SHC3: variants seen among roughly 807,000 people sequenced by gnomAD.
SHC3 encodes SHC-transforming protein 3.
SHC3 carries 15 observed loss-of-function variants against 60.4 expected under a neutral mutation model. The ratio of observed to expected loss-of-function variants is 0.25; its 90% confidence interval spans 0.17 to 0.38. SHC3 has a LOEUF of 0.38. SHC3 is among the 10% of genes least tolerant of loss of function. SHC3 has a pLI of 1.00. For missense variants in SHC3, 677 were observed against 786.1 expected (o/e 0.86, Z 1.66); for synonymous variants, 294 against 325.9 (o/e 0.90, Z 1.05).
chr9:89,030,271 CAAT>C (rs375709760), intron 11 of SHC3, among the ~76,000 whole-genome samples: 3 of 152,048 alleles, frequency 2.0e-5, no homozygotes, highest in African/African-American at 7.2e-5. Context: ...GACAATTCAA[CAAT>C]AATAGACATT....
In SHC3 at chr9:89,167,000, A is replaced by G. The variant is rs188069110; in HGVS notation, c.474+10987T>C. ...ACTCCTCTTCCCGTCTCCCAGTGGC[A>G]GCAGGGCAGTGGCTCTTCACAGCAC... On this transcript the variant is annotated intron_variant, in intron 1 of 11. Transcript: ENST00000375835. Among the ~76,000 whole-genome samples, 5 of 152,302 alleles carry G rather than the reference A, an allele frequency of 3.3e-5. No homozygotes were observed. In the East Asian group the frequency reaches 9.7e-4, roughly 29 times the overall value.
chr9:89,065,721 C>T, intron 5 of SHC3, 141 bp from the exon 6 acceptor site: 1 of 812,784 alleles, frequency 1.2e-6, no homozygotes, highest in Non-Finnish European at 2.0e-6. Flanking sequence ...TAAGAAACAG[C>T]CCCCAGAAGA....
chr9:89,176,682 G>A (rs571853233), intron 1 of SHC3, among the ~76,000 whole-genome samples: 1 of 152,268 alleles, frequency 6.6e-6, no homozygotes, highest in South Asian at 2.1e-4. Flanking sequence ...AACCAAATAT[G>A]CATATATTAT....
chr9:89,024,303 G>A (rs567437085), intron 11 of SHC3, among the ~76,000 whole-genome samples: 1 of 152,146 alleles, frequency 6.6e-6, no homozygotes, highest in East Asian at 1.9e-4. Flanking sequence ...TTAGAAACAG[G>A]GTTTCATTCT....
intron 1 of SHC3, among the ~76,000 whole-genome samples, chr9:89,128,462 C>G (rs1273733988): frequency 6.6e-6 from 1 of 152,156 alleles, no homozygotes; most frequent in African/African-American, 2.4e-5. Flanking sequence ...CAAGTGGGTC[C>G]CTGATCCCTG....
chr9:89,043,037 T>C (rs542970143), intron 9 of SHC3, among the ~76,000 whole-genome samples: 1 of 152,316 alleles, frequency 6.6e-6, no homozygotes, highest in Non-Finnish European at 1.5e-5. Context: ...TCCAATCTTC[T>C]TACGTAAACA....
intron 1 of SHC3, among the ~76,000 whole-genome samples, chr9:89,124,079 G>GA (rs566165739): frequency 9.0e-4 from 127 of 141,708 alleles, no homozygotes; most frequent in East Asian, 4.3e-3. Flanking sequence ...GCAAACATAT[G>GA]AAAAAAAAAA....
intron 10 of SHC3, among the ~76,000 whole-genome samples, chr9:89,039,151 T>C (rs1214676484): frequency 6.6e-6 from 1 of 152,226 alleles, no homozygotes; most frequent in Admixed American, 6.5e-5. Flanking sequence ...GACTACGCTG[T>C]CTACCCATAA....
chr9:89,162,339 A>G (rs1249598155), intron 1 of SHC3, among the ~76,000 whole-genome samples: 5 of 152,104 alleles, frequency 3.3e-5, no homozygotes, highest in African/African-American at 7.2e-5. Context: ...CTGACTTCAA[A>G]CTATACTACA....
chr9:89,171,456 G>A (rs1012259470), intron 1 of SHC3, among the ~76,000 whole-genome samples: 2 of 152,196 alleles, frequency 1.3e-5, no homozygotes, highest in Non-Finnish European at 2.9e-5. Flanking sequence ...GGGTTCATAC[G>A]AGTTTAAATT....
At chr9:89,125,761 G>A (rs139803811) in intron 1 of SHC3, among the ~76,000 whole-genome samples, 2 of 152,192 alleles carry the variant, frequency 1.3e-5, no homozygotes, top group African/African-American at 2.4e-5. Flanking sequence ...GCAACGTCAC[G>A]AGCTTACTTT....
At chr9:89,066,838 G>C (rs1438301001) in intron 5 of SHC3, among the ~76,000 whole-genome samples, 1 of 152,178 alleles carries the variant, frequency 6.6e-6, no homozygotes, top group Non-Finnish European at 1.5e-5. Context: ...TCTCCAAGGA[G>C]AGAGAGATGA....
intron 3 of SHC3, among the ~76,000 whole-genome samples, chr9:89,075,806 A>G (rs1246793006): frequency 6.6e-6 from 1 of 152,186 alleles, no homozygotes; most frequent in African/African-American, 2.4e-5. Flanking sequence ...AGCCAGCATA[A>G]GGATAGATAG....
chr9:89,020,786 G>T, intron 11 of SHC3, among the ~76,000 whole-genome samples: 1 of 152,234 alleles, frequency 6.6e-6, no homozygotes, highest in East Asian at 1.9e-4. Context: ...AACTCTCCAT[G>T]TCTCCTCCAT....
intron 11 of SHC3, among the ~76,000 whole-genome samples, chr9:89,028,739 T>C (rs1468162415): frequency 1.4e-5 from 2 of 144,494 alleles, no homozygotes; most frequent in African/African-American, 2.5e-5. Flanking sequence ...ATATTCTCTA[T>C]ATAGATATAT....
At chr9:89,066,726 G>A (rs1002903760) in intron 5 of SHC3, among the ~76,000 whole-genome samples, 5 of 152,266 alleles carry the variant, frequency 3.3e-5, no homozygotes, top group South Asian at 2.1e-4. Context: ...ATACGCTCCC[G>A]ATGTTGCCAG....
chr9:89,124,372 T>C (rs1028690749), intron 1 of SHC3, among the ~76,000 whole-genome samples: 2 of 152,136 alleles, frequency 1.3e-5, no homozygotes, highest in Non-Finnish European at 2.9e-5. Context: ...CATTCTACTA[T>C]AAAGACACAT....
rs1826971611 is a variant in SHC3, at chr9:89,178,125, C to T, written c.336G>A (p.Ala112=). Residue 112 remains alanine (A), a synonymous_variant, in exon 1 of 12, where the codon GCG becomes GCA. Transcript: ENST00000375835. This position sits in a 1 kb window ranked among gnomAD's most constrained non-coding sequence, Gnocchi z 6.9. ...APSLAAPDGS[A]PSAPRAPAMS... ...TGGCCGGGGCGCGGGGCGCCGAGGG[C>T]GCACTGCCGTCCGGGGCGGCCAGGC... 8.5e-7 allele frequency: 1 copy of T among 1,171,046 alleles called. No individual in the cohort carries two copies. Among genetic ancestry groups the T allele is most frequent in the Non-Finnish European group, 1.1e-6 (1 of 949,614 alleles). 72.5% of individuals were successfully genotyped at this position (1,171,046 alleles called of 1,614,324 possible). A position where few individuals can be genotyped will look rare whatever the true frequency, so the allele number is the denominator to read the frequency against.
At chr9:89,138,052 C>A (rs1826343449) in intron 1 of SHC3, among the ~76,000 whole-genome samples, 1 of 152,200 alleles carries the variant, frequency 6.6e-6, no homozygotes, top group South Asian at 2.1e-4. Context: ...CCTTTGTAGA[C>A]TCTGATGCTT....
Sources: gnomAD v4.1 joint callset for allele counts (sites outside exome capture counted in the v4.1 genomes callset) on GRCh38, gnomAD v4.1.1 for gene constraint, Gnocchi (gnomAD v3.1) non-coding constraint, MANE v1.5 for transcripts, NCBI Gene and HGNC (gene_info 2026-07-23, HGNC 2026-07-21) for gene names.